The following MRPS28 variants were observed in gnomAD, a reference collection of about 807,000 sequenced individuals.
MRPS28 encodes mitochondrial ribosomal protein S28.
Under a neutral mutation model 10.8 loss-of-function variants are expected in MRPS28, and 7 were observed. That is an observed-to-expected ratio of 0.65 (90% CI 0.37 to 1.22). The LOEUF (loss-of-function observed/expected upper bound fraction) is 1.22. Among genes scored for constraint, MRPS28 ranks in the 50% most tolerant of loss-of-function variants. MRPS28 has a pLI of 0.02. For missense variants in MRPS28, 265 were observed against 232.9 expected (o/e 1.14, Z -0.90); for synonymous variants, 121 against 93.3 (o/e 1.30, Z -1.71).
chr8:79,985,581 T>A (rs1357574278), intron 2 of MRPS28, among the ~76,000 whole-genome samples: 40 of 152,026 alleles, frequency 2.6e-4, no homozygotes, highest in Admixed American at 2.6e-3. Flanking sequence ...CAATAAAAAA[T>A]GATAAAGGGG....
At chr8:79,947,366 A>C (rs897288963) in intron 2 of MRPS28, among the ~76,000 whole-genome samples, 2 of 152,182 alleles carry the variant, frequency 1.3e-5, no homozygotes, top group African/African-American at 2.4e-5. Flanking sequence ...GGTAAAAAAC[A>C]ATATTGTTTT....
At chr8:80,011,143 T>TTA (rs1563542299) in intron 1 of MRPS28, among the ~76,000 whole-genome samples, 13 of 149,560 alleles carry the variant, frequency 8.7e-5, no homozygotes, top group African/African-American at 3.3e-4. Context: ...TTATTTTTAT[T>TTA]TTTTTTTGTA....
chr8:79,919,158 T>TA lies in MRPS28; in HGVS notation c.396-11dup, dbSNP rs201430403. 27,252 of 1,166,232 alleles carry TA rather than the reference T, an allele frequency of 0.023. 2 individuals are homozygous for TA. Among genetic ancestry groups the TA allele is most frequent in the South Asian group, 0.034 (2,141 of 62,984 alleles). 72.2% of individuals were successfully genotyped at this position (1,166,232 alleles called of 1,614,324 possible). A position where few individuals can be genotyped will look rare whatever the true frequency, so the allele number is the denominator to read the frequency against. On this transcript the variant is annotated splice_polypyrimidine_tract_variant and intron_variant, in intron 2 of 2. Coordinates refer to ENST00000276585, the MANE Select transcript of MRPS28 (RefSeq NM_014018.3). ...TCCTTTCTGGTATTTCCTAAATAGT[T>TA]AAAAAAAAAAAAATCCATTAATTCT...
intron 2 of MRPS28, among the ~76,000 whole-genome samples, chr8:79,964,845 T>C (rs535319648): frequency 1.3e-5 from 2 of 152,132 alleles, no homozygotes; most frequent in East Asian, 3.9e-4. Flanking sequence ...TCTACTACTA[T>C]TAATAACATC....
intron 2 of MRPS28, among the ~76,000 whole-genome samples, chr8:80,000,275 A>T (rs553632503): frequency 1.3e-5 from 2 of 152,370 alleles, no homozygotes; most frequent in East Asian, 3.9e-4. Flanking sequence ...TTTGAAGTTT[A>T]AATGGGTATT....
chr8:79,919,934 C>T (rs1010574454), intron 2 of MRPS28, among the ~76,000 whole-genome samples: 3 of 61,920 alleles, frequency 4.8e-5, no homozygotes, highest in African/African-American at 1.2e-4. Context: ...TCTCCTAATG[C>T]TATCCCTCCC....
At chr8:79,973,391 G>A (rs377034491) in intron 2 of MRPS28, among the ~76,000 whole-genome samples, 203 of 152,256 alleles carry the variant, frequency 1.3e-3, no homozygotes, top group Non-Finnish European at 2.1e-3. Context: ...CCTCAGCCAC[G>A]AGCAGTGGTG....
intron 2 of MRPS28, among the ~76,000 whole-genome samples, chr8:79,975,942 G>A (rs1454063909): frequency 6.6e-6 from 1 of 152,184 alleles, no homozygotes; most frequent in African/African-American, 2.4e-5. Flanking sequence ...AGTTGTAGTA[G>A]TAAAATGCTA....
chr8:79,998,045 ACT>A (rs1808552621), intron 2 of MRPS28, among the ~76,000 whole-genome samples: 2 of 134,658 alleles, frequency 1.5e-5, no homozygotes, highest in South Asian at 2.7e-4. Flanking sequence ...ACAGAACAAG[ACT>A]CTGTCTCAAA....
intron 2 of MRPS28, among the ~76,000 whole-genome samples, chr8:79,973,142 T>G (rs1807680567): frequency 6.6e-6 from 1 of 152,134 alleles, no homozygotes; most frequent in Non-Finnish European, 1.5e-5. Context: ...TGATAAGCAA[T>G]TTGGGGAACA....
At chr8:79,931,324 A>C (rs989624405) in intron 2 of MRPS28, among the ~76,000 whole-genome samples, 5 of 152,208 alleles carry the variant, frequency 3.3e-5, no homozygotes, top group African/African-American at 1.2e-4. Context: ...GACATAGAAA[A>C]AGATCTCAAA....
At chr8:80,003,757 C>T (rs769871806) in intron 1 of MRPS28, among the ~76,000 whole-genome samples, 6 of 152,154 alleles carry the variant, frequency 3.9e-5, no homozygotes, top group African/African-American at 7.2e-5. Flanking sequence ...CTGTGACAGA[C>T]GGCACCTGGA....
chr8:79,990,822 T>C (rs1586081689), intron 2 of MRPS28, among the ~76,000 whole-genome samples: 1 of 63,838 alleles, frequency 1.6e-5, no homozygotes, highest in Non-Finnish European at 2.9e-5. Flanking sequence ...ACCCCATCTC[T>C]ACAAAAAAAA....
chr8:79,942,974 C>T (rs1806810172), intron 2 of MRPS28, among the ~76,000 whole-genome samples: 1 of 152,164 alleles, frequency 6.6e-6, no homozygotes, highest in Non-Finnish European at 1.5e-5. Flanking sequence ...TAATTAACTA[C>T]ATGTTTAGGA....
At chr8:80,018,242 G>T (rs1809253801) in intron 1 of MRPS28, among the ~76,000 whole-genome samples, 1 of 134,130 alleles carries the variant, frequency 7.5e-6, no homozygotes, top group Non-Finnish European at 1.5e-5. Flanking sequence ...CTCGCAGTGA[G>T]CCGAGATCGT....
At chr8:79,997,491 A>T (rs1003946717) in intron 2 of MRPS28, among the ~76,000 whole-genome samples, 1 of 152,188 alleles carries the variant, frequency 6.6e-6, no homozygotes, top group Non-Finnish European at 1.5e-5. Context: ...ATTGGAAAGC[A>T]ATACCTTTCA....
At chr8:79,931,383 T>C (rs1292994652) in intron 2 of MRPS28, among the ~76,000 whole-genome samples, 1 of 152,204 alleles carries the variant, frequency 6.6e-6, no homozygotes, top group African/African-American at 2.4e-5. Flanking sequence ...AAAAGCAGAA[T>C]TCTGCACAGA....
chr8:79,982,404 C>G (rs548640642), intron 2 of MRPS28, among the ~76,000 whole-genome samples: 8 of 152,308 alleles, frequency 5.3e-5, no homozygotes, highest in East Asian at 1.9e-4. Context: ...GAGTGCCAGA[C>G]AGTGGGCGCA....
intron 1 of MRPS28, among the ~76,000 whole-genome samples, chr8:80,003,767 A>G (rs1808738697): frequency 6.6e-6 from 1 of 152,174 alleles, no homozygotes; most frequent in South Asian, 2.1e-4. Context: ...CGGCACCTGG[A>G]AAATCGGGTC....
Sources: allele counts gnomAD v4.1 joint callset (sites outside exome capture counted in the v4.1 genomes callset), GRCh38; gene constraint gnomAD v4.1.1; transcripts MANE v1.5; gene names NCBI Gene and HGNC (gene_info 2026-07-23, HGNC 2026-07-21).